HOXA3: variants seen among roughly 807,000 people sequenced by gnomAD.
The protein encoded by HOXA3 is homeobox protein Hox-A3.
A neutral mutation model predicts 30.3 loss-of-function variants in HOXA3; 8 were observed. That is an observed-to-expected ratio of 0.26 (90% CI 0.15 to 0.48). The LOEUF (loss-of-function observed/expected upper bound fraction) is 0.48. Ranked by LOEUF, HOXA3 falls within the 20% of genes least tolerant of loss-of-function variation. The probability of loss-of-function intolerance (pLI) is 0.99; values close to 1 mark genes in which losing one functional copy is unlikely to be tolerated. For synonymous variants in HOXA3, 323 were observed against 273.1 expected (o/e 1.18, Z -1.80); for missense variants, 653 against 614.4 (o/e 1.06, Z -0.66).
intron 1 of HOXA3, chr7:27,142,610 C>T (rs1782609635): frequency 5.2e-6 from 1 of 191,872 alleles, no homozygotes; most frequent in African/African-American, 2.3e-5. Context: ...TCGATTCTTT[C>T]CCCCAAGCCC....
At chr7:27,138,488 A>G (rs1436682792) in intron 2 of HOXA3, among the ~76,000 whole-genome samples, 1 of 152,224 alleles carries the variant, frequency 6.6e-6, no homozygotes, top group Non-Finnish European at 1.5e-5. Flanking sequence ...CTAAGGAGAA[A>G]AGCAGATCCT....
chr7:27,152,350 A>T lies in HOXA3; in HGVS notation c.-556T>A. The T allele has an allele frequency of 1.6e-6, 2 of 1,239,816 alleles. No individual in the cohort carries two copies. The highest frequency in any genetic ancestry group is 2.1e-6 in the Non-Finnish European group (2 of 966,076). 76.8% of individuals were successfully genotyped at this position (1,239,816 alleles called of 1,614,324 possible). The stretch of plus-strand genomic sequence containing the variant: ...ACAGCTGTCGCTTGGGCAGCCCGAG[A>T]GAAGAATTGTCCTCTTTCCTGGTGC... On this transcript the variant is annotated 5_prime_UTR_variant, in exon 1 of 6. Coordinates refer to ENST00000612286, the MANE Select transcript of HOXA3 (RefSeq NM_153631.3).
At chr7:27,118,363 T>A (rs1784840364) in intron 4 of HOXA3, among the ~76,000 whole-genome samples, 1 of 152,218 alleles carries the variant, frequency 6.6e-6, no homozygotes, top group South Asian at 2.1e-4. Flanking sequence ...TGTCTGGGTC[T>A]CCGCTCCAAA....
rs1038727391 is a variant in HOXA3 at position 27,108,141 on chromosome 7, C to T, written c.1106G>A (p.Gly369Asp). 2.5e-6 allele frequency: 4 copies of T among 1,589,558 alleles called. No homozygotes were observed. The highest frequency in any genetic ancestry group is 3.5e-5 in the Admixed American group (2 of 56,666). Residue 369 changes from glycine to aspartate, a missense_variant, in exon 6 of 6, where the codon GGC becomes GAC. Coordinates refer to ENST00000612286, the MANE Select transcript of HOXA3 (RefSeq NM_153631.3). The surrounding 1 kb of genome is among the most constrained non-coding windows in gnomAD (Gnocchi z 5.0). ...GTTGCTCATGGGCTCCACATAGCTG[C>T]CCCCCACGAAGACGGGGCTTCCCTG... Reference protein sequence around the residue: ...HIQGSPVFVGGSYVEPMSNSG... With the variant: ...HIQGSPVFVGDSYVEPMSNSG...
In HOXA3 at chr7:27,152,565, G is replaced by C. The variant is rs1402828488; in HGVS notation, c.-771C>G. 3 of 1,190,622 alleles carry C rather than the reference G, an allele frequency of 2.5e-6. No individual in the cohort carries two copies. The highest frequency in any genetic ancestry group is 1.6e-5 in the African/African-American group (1 of 62,496). The allele number at this position is 1,190,622 out of a possible 1,614,324, so 73.8% of individuals were successfully genotyped here. A position where few individuals can be genotyped will look rare whatever the true frequency, so the allele number is the denominator to read the frequency against. On this transcript the variant is annotated 5_prime_UTR_variant, in exon 1 of 6. Transcript: ENST00000612286. ...GCAGAGCTCCGAAGCAGGCAGGACG[G>C]AGCGGAGCAAAAGAATGCGGCTCTA...
intron 1 of HOXA3, chr7:27,147,114 G>A (rs997839392): frequency 6.4e-5 from 40 of 624,282 alleles, no homozygotes; most frequent in Non-Finnish European, 1.1e-4. Flanking sequence ...CTGGGGCCTT[G>A]CCCTTCCTCT....
chr7:27,140,295 C>G (rs897143432), intron 1 of HOXA3, 109 bp from the exon 2 acceptor site: 1 of 152,114 alleles, frequency 6.6e-6, no homozygotes, highest in Non-Finnish European at 1.5e-5. Context: ...AATGGCCCCA[C>G]GTGACGTTTT....
At position 27,114,864 on chromosome 7, in the gene HOXA3, A is replaced by ATATATATTATATATAT. The variant is rs1784621239; in HGVS notation, c.-120-4120_-120-4105dup. On this transcript the variant is annotated intron_variant, in intron 4 of 5. Transcript: ENST00000612286. ...ATATATAATATATATTATATATATA[A>ATATATATTATATATAT]TATATATTATATATATGTATATACA... Among the ~76,000 whole-genome samples the ATATATATTATATATAT allele has an allele frequency of 2.0e-4, 16 of 79,298 alleles. No individual in the cohort carries two copies. The South Asian group carries it at 4.6e-3, about 23-fold the overall frequency. The allele number at this position is 79,298 out of a possible 152,430, so 52.0% of individuals were successfully genotyped here. A position where few individuals can be genotyped will look rare whatever the true frequency, so the allele number is the denominator to read the frequency against.
intron 1 of HOXA3, chr7:27,151,319 G>T (rs1209052807): frequency 3.2e-6 from 1 of 311,228 alleles, no homozygotes; most frequent in Admixed American, 4.7e-5. Flanking sequence ...CAAAGCCACC[G>T]CCAGCAGCAC....
chr7:27,139,420 A>C (rs17500835), intron 2 of HOXA3, among the ~76,000 whole-genome samples: 11,137 of 152,272 alleles, frequency 0.073, 844 homozygotes, highest in African/African-American at 0.19. Context: ...CCGGGGGCCC[A>C]GCCTGGAGGT....
intron 2 of HOXA3, among the ~76,000 whole-genome samples, chr7:27,135,282 T>A (rs1304725744): frequency 6.6e-6 from 1 of 152,156 alleles, no homozygotes; most frequent in Non-Finnish European, 1.5e-5. Flanking sequence ...CTGTTATTTG[T>A]GGATTTCACC....
At chr7:27,127,573 G>A (rs996063813) in intron 2 of HOXA3, among the ~76,000 whole-genome samples, 1 of 152,154 alleles carries the variant, frequency 6.6e-6, no homozygotes, top group East Asian at 1.9e-4. Context: ...CTTTTTCAAG[G>A]CCAGGTGACA....
At chr7:27,137,086 G>A (rs932378113) in intron 2 of HOXA3, among the ~76,000 whole-genome samples, 32 of 152,288 alleles carry the variant, frequency 2.1e-4, no homozygotes, top group African/African-American at 7.7e-4. Context: ...TAAGCTAAAA[G>A]GATTGTTTTC....
chr7:27,142,468 C>T (rs928568426), intron 1 of HOXA3, among the ~76,000 whole-genome samples: 2 of 152,186 alleles, frequency 1.3e-5, no homozygotes, highest in Non-Finnish European at 1.5e-5. Context: ...GGGTCACCCT[C>T]CCTCAAAGTT....
At position 27,108,123 on chromosome 7, in the gene HOXA3, A is replaced by C; in HGVS notation, c.1124T>G (p.Met375Arg). 3.7e-6 allele frequency: 6 copies of C among 1,606,508 alleles called. No homozygotes were observed. Among genetic ancestry groups the C allele is most frequent in the Non-Finnish European group, 5.1e-6 (6 of 1,175,000 alleles). Residue 375 changes from methionine to arginine, a missense_variant, in exon 6 of 6, where the codon ATG (methionine) becomes AGG (arginine). Around this residue, in one of 3 missense-constraint regions of HOXA3, gnomAD observed 330 missense variants for 274.4 expected, o/e 1.20. Coordinates refer to ENST00000612286, the MANE Select transcript of HOXA3 (RefSeq NM_153631.3). This position sits in a 1 kb window ranked among gnomAD's most constrained non-coding sequence, Gnocchi z 5.0. Reference protein sequence around the residue: ...VFVGGSYVEPMSNSGPALFGL... With the variant: ...VFVGGSYVEPRSNSGPALFGL... Reference sequence around the variant, plus strand: ...AAAGAGGGCTGGCCCGGAGTTGCTCATGGGCTCCACATAGCTGCCCCCCAC... The same window carrying C: ...AAAGAGGGCTGGCCCGGAGTTGCTCCTGGGCTCCACATAGCTGCCCCCCAC...
intron 1 of HOXA3, chr7:27,145,913 A>T: frequency 1.2e-6 from 2 of 1,612,252 alleles, no homozygotes; most frequent in Non-Finnish European, 8.5e-7. Context: ...TCCCATACAC[A>T]GCACCTACGA....
intron 3 of HOXA3, among the ~76,000 whole-genome samples, chr7:27,125,000 G>A (rs1314513535): frequency 6.6e-6 from 1 of 152,122 alleles, no homozygotes; most frequent in Admixed American, 6.5e-5. Context: ...CTATGACTAG[G>A]GTGGCTTGGT....
intron 2 of HOXA3, chr7:27,128,451 C>T (rs569169957): frequency 6.6e-6 from 1 of 152,350 alleles, no homozygotes; most frequent in Admixed American, 6.5e-5. Flanking sequence ...CATGCAAGGT[C>T]AAGTATCTCA....
intron 1 of HOXA3, chr7:27,145,633 G>C (rs749671837): frequency 3.7e-6 from 6 of 1,604,946 alleles, no homozygotes; most frequent in Middle Eastern, 1.8e-4. Context: ...AGGTTGCAGC[G>C]CTGGCCTGGT....
Sources: gnomAD v4.1 joint callset for allele counts (sites outside exome capture counted in the v4.1 genomes callset) on GRCh38, gnomAD v4.1.1 for gene constraint, gnomAD v4.1.1 regional missense constraint, Gnocchi (gnomAD v3.1) non-coding constraint, MANE v1.5 for transcripts, NCBI Gene and HGNC (gene_info 2026-07-23, HGNC 2026-07-21) for gene names.